PTPRD: variants seen among roughly 807,000 people sequenced by gnomAD.
PTPRD encodes receptor-type tyrosine-protein phosphatase delta.
A neutral mutation model predicts 214.5 loss-of-function variants in PTPRD; 34 were observed. The ratio of observed to expected loss-of-function variants is 0.16; its 90% CI spans 0.12 to 0.21. The LOEUF (loss-of-function observed/expected upper bound fraction) is 0.21. Among genes scored for constraint, PTPRD ranks in the 10% least tolerant of loss-of-function variants. The pLI is 1.00. For synonymous variants in PTPRD, 1,128 were observed against 845.7 expected (o/e 1.33, Z -5.79); for missense variants, 2,545 against 2,398.7 (o/e 1.06, Z -1.27).
chr9:9,431,443 T>C (rs2083083515), intron 8 of PTPRD, among the ~76,000 whole-genome samples: 1 of 152,172 alleles, frequency 6.6e-6, no homozygotes. Flanking sequence ...GGAATGCTTT[T>C]ACACTGTTGG....
chr9:9,750,616 G>T (rs942661193), intron 6 of PTPRD, among the ~76,000 whole-genome samples: 1 of 152,102 alleles, frequency 6.6e-6, no homozygotes, highest in Non-Finnish European at 1.5e-5. Flanking sequence ...ACAGAGGTTT[G>T]CACTAGGGGT....
intron 10 of PTPRD, among the ~76,000 whole-genome samples, chr9:9,022,183 G>A (rs547642802): frequency 6.6e-6 from 1 of 151,940 alleles, no homozygotes; most frequent in Non-Finnish European, 1.5e-5. Flanking sequence ...TTAGCTTACA[G>A]TAAGCTAAGG....
chr9:9,513,887 G>T (rs2096771796), intron 8 of PTPRD, among the ~76,000 whole-genome samples: 1 of 152,016 alleles, frequency 6.6e-6, no homozygotes, highest in African/African-American at 2.4e-5. Flanking sequence ...AGGGAGCGTG[G>T]ATAAATGTTG....
intron 11 of PTPRD, among the ~76,000 whole-genome samples, chr9:8,774,210 A>G (rs1485948778): frequency 6.6e-6 from 1 of 152,180 alleles, no homozygotes; most frequent in African/African-American, 2.4e-5. Flanking sequence ...TGATACTTGC[A>G]TTTTCAACCA....
chr9:9,794,191 G>GTA (rs753902980), intron 5 of PTPRD, among the ~76,000 whole-genome samples: 4 of 145,632 alleles, frequency 2.7e-5, no homozygotes, highest in African/African-American at 1.1e-4. Flanking sequence ...ATATACATAT[G>GTA]TGTGTGTGTG....
At chr9:8,773,620 A>T (rs1183140517) in intron 11 of PTPRD, among the ~76,000 whole-genome samples, 1 of 152,188 alleles carries the variant, frequency 6.6e-6, no homozygotes, top group Non-Finnish European at 1.5e-5. Context: ...CAAAAATCTG[A>T]TAATGTAAAT....
intron 10 of PTPRD, among the ~76,000 whole-genome samples, chr9:9,180,584 A>T (rs566237866): frequency 4.6e-5 from 7 of 152,140 alleles, no homozygotes; most frequent in African/African-American, 1.7e-4. Context: ...GTACTCTAAA[A>T]CTTAAAGTAT....
chr9:9,960,403 T>G (rs1278819549), intron 4 of PTPRD, among the ~76,000 whole-genome samples: 1 of 152,132 alleles, frequency 6.6e-6, no homozygotes, highest in Non-Finnish European at 1.5e-5. Flanking sequence ...GAGCGTAACT[T>G]TCCACTCCTG....
intron 4 of PTPRD, among the ~76,000 whole-genome samples, chr9:10,030,779 A>G (rs1226957915): frequency 6.6e-6 from 1 of 152,198 alleles, no homozygotes; most frequent in Non-Finnish European, 1.5e-5. Flanking sequence ...TAGTGAAGAT[A>G]CAAACCAGGT....
chr9:8,595,037 G>T (rs2094399919), intron 14 of PTPRD, among the ~76,000 whole-genome samples: 2 of 151,242 alleles, frequency 1.3e-5, no homozygotes, highest in Admixed American at 1.3e-4. Context: ...TAATTTTTTT[G>T]TATTTTTAGT....
At chr9:8,988,054 A>C (rs2099352485) in intron 11 of PTPRD, among the ~76,000 whole-genome samples, 1 of 151,788 alleles carries the variant, frequency 6.6e-6, no homozygotes. Context: ...GAAGTTGGGG[A>C]GAGAGAGAGA....
intron 9 of PTPRD, among the ~76,000 whole-genome samples, chr9:9,230,282 G>A (rs1048496343): frequency 6.6e-6 from 1 of 152,092 alleles, no homozygotes; most frequent in Non-Finnish European, 1.5e-5. Flanking sequence ...GAAAAGATTA[G>A]GCTAACTAAA....
chr9:8,823,129 G>T (rs1156774940), intron 11 of PTPRD, among the ~76,000 whole-genome samples: 1 of 151,840 alleles, frequency 6.6e-6, no homozygotes, highest in Non-Finnish European at 1.5e-5. Flanking sequence ...CTTCTCTCCC[G>T]GTATTCTACT....
rs187285986 is a variant in PTPRD, at chr9:9,753,092, A to C, written c.-326+13718T>G. On this transcript the variant is annotated intron_variant, in intron 6 of 45. Transcript: ENST00000381196. ...AGAAATGTTAGACTTTTAATACAAC[A>C]AACTTTGTTTCATTGCATTAGTTTT... Among the ~76,000 whole-genome samples the C allele has an allele frequency of 9.5e-4, 145 of 152,204 alleles. 1 individual carries two copies. The highest frequency in any genetic ancestry group is 8.8e-3 in the Admixed American group (134 of 15,260).
intron 11 of PTPRD, among the ~76,000 whole-genome samples, chr9:8,943,889 A>AG (rs1296238345): frequency 5.9e-5 from 9 of 152,128 alleles, no homozygotes; most frequent in Admixed American, 5.2e-4. Context: ...CCAAAACAAA[A>AG]AAGGGCAACT....
intron 11 of PTPRD, among the ~76,000 whole-genome samples, chr9:8,808,463 T>TC (rs1491240397): frequency 4.1e-5 from 1 of 24,620 alleles, no homozygotes; most frequent in East Asian, 7.2e-4. Context: ...GCCCCCCACC[T>TC]TTTTTTTTTT....
chr9:10,439,292 C>A (rs957334070), intron 2 of PTPRD, among the ~76,000 whole-genome samples: 1 of 151,810 alleles, frequency 6.6e-6, no homozygotes, highest in African/African-American at 2.4e-5. Context: ...ATGCCCCAAG[C>A]ATTGTCACTA....
chr9:8,847,944 A>T (rs1032517587), intron 11 of PTPRD, among the ~76,000 whole-genome samples: 8 of 152,192 alleles, frequency 5.3e-5, no homozygotes, highest in African/African-American at 1.9e-4. Context: ...TTGATGGGTG[A>T]CTGCTCTTCA....
Position 9,933,033 on chromosome 9 carries a change from A to AT in PTPRD, c.-368+5473dup, listed in dbSNP as rs547567371. On this transcript the variant is annotated intron_variant, in intron 5 of 45. Transcript: ENST00000381196. ...TTTACAGACAAGCAAATGTTGAGAG[A>AT]TTTTGTCACCACCAGGCCTGCCCTA... 1.5e-3 allele frequency among the ~76,000 whole-genome samples: 225 copies of AT among 152,068 alleles called. 1 individual carries two copies. The highest frequency in any genetic ancestry group is 5.0e-3 in the African/African-American group (206 of 41,424).
Sources: allele counts gnomAD v4.1 joint callset (sites outside exome capture counted in the v4.1 genomes callset), GRCh38; gene constraint gnomAD v4.1.1; transcripts MANE v1.5; gene names NCBI Gene and HGNC (gene_info 2026-07-23, HGNC 2026-07-21).